AKAP19: variants seen among roughly 807,000 people sequenced by gnomAD.
The protein encoded by AKAP19 is small A-kinase anchoring protein.
At chr2:190,026,854 C>G in the AKAP19 span, among the ~76,000 whole-genome samples, 1 of 152,100 alleles carries the variant, frequency 6.6e-6, no homozygotes, top group African/African-American at 2.4e-5. Flanking sequence ...ATATTTGGAG[C>G]ATTTGGTATA....
At chr2:190,044,858 G>C in the AKAP19 span, among the ~76,000 whole-genome samples, 1 of 152,206 alleles carries the variant, frequency 6.6e-6, no homozygotes, top group Admixed American at 6.5e-5. Flanking sequence ...GTACAGGTCT[G>C]TTGCCGGCCC....
the AKAP19 span, among the ~76,000 whole-genome samples, chr2:190,172,680 TAGA>T: frequency 1.3e-5 from 2 of 152,236 alleles, no homozygotes; most frequent in African/African-American, 2.4e-5. Context: ...CACAGAATAA[TAGA>T]AGGAGCACTG....
the AKAP19 span, among the ~76,000 whole-genome samples, chr2:189,907,153 T>C: frequency 4.6e-5 from 7 of 152,214 alleles, no homozygotes. Flanking sequence ...TTTCTCTGTG[T>C]AGACCTTCCA....
the AKAP19 span, among the ~76,000 whole-genome samples, chr2:190,069,764 T>C: frequency 6.6e-6 from 1 of 152,230 alleles, no homozygotes; most frequent in Non-Finnish European, 1.5e-5. Context: ...TAAACCCTTA[T>C]TGTGCACCTG....
the AKAP19 span, among the ~76,000 whole-genome samples, chr2:190,032,226 T>C: frequency 1.3e-5 from 2 of 152,184 alleles, no homozygotes; most frequent in South Asian, 4.1e-4. Context: ...TCAGGAATTG[T>C]ACTAGAATTG....
At chr2:190,189,909 A>AG in the AKAP19 span, 3 of 152,234 alleles carry the variant, frequency 2.0e-5, no homozygotes, top group Non-Finnish European at 4.4e-5. Context: ...GGCTGGTTTC[A>AG]GGCCAATGTA....
the AKAP19 span, among the ~76,000 whole-genome samples, chr2:190,001,713 G>A: frequency 1.3e-5 from 2 of 152,150 alleles, no homozygotes; most frequent in Non-Finnish European, 2.9e-5. Context: ...TGTGTAAGCA[G>A]AGGAACACTT....
the AKAP19 span, among the ~76,000 whole-genome samples, chr2:190,124,645 G>A: frequency 7.2e-5 from 11 of 152,274 alleles, no homozygotes; most frequent in East Asian, 2.1e-3. Context: ...AACAGTTCGA[G>A]GCTGCAGTAA....
chr2:190,129,266 A>T, the AKAP19 span, among the ~76,000 whole-genome samples: 46 of 152,228 alleles, frequency 3.0e-4, no homozygotes, highest in Non-Finnish European at 7.3e-5. Flanking sequence ...GGTTGCAACC[A>T]TGAAAAGTTA....
At chr2:189,930,859 G>T in the AKAP19 span, 1 of 744,176 alleles carries the variant, frequency 1.3e-6, no homozygotes. Context: ...TTTGCTAGGT[G>T]TTGGATGGTA....
chr2:189,930,969 G>A, the AKAP19 span: 1 of 843,638 alleles, frequency 1.2e-6, no homozygotes, highest in Non-Finnish European at 2.0e-6. Flanking sequence ...CCTGAAGCAG[G>A]GAGATGTCAT....
At chr2:190,079,439 C>A in the AKAP19 span, 25,630 of 152,232 alleles carry the variant, frequency 0.17, 3,768 homozygotes, top group African/African-American at 0.4. Context: ...TTGTCACTGT[C>A]TCAAGCACTT....
At chr2:189,912,592 GTAATT>G in the AKAP19 span, among the ~76,000 whole-genome samples, 1 of 152,054 alleles carries the variant, frequency 6.6e-6, no homozygotes, top group Admixed American at 6.6e-5. Flanking sequence ...GTCACATATA[GTAATT>G]TATGAAGGCC....
At chr2:189,966,966 C>A in the AKAP19 span, among the ~76,000 whole-genome samples, 1 of 152,168 alleles carries the variant, frequency 6.6e-6, no homozygotes, top group African/African-American at 2.4e-5. Flanking sequence ...GGTAAGACAG[C>A]TAAGTATTCA....
At chr2:190,031,561 C>CGT in the AKAP19 span, among the ~76,000 whole-genome samples, 1 of 1,504 alleles carries the variant, frequency 6.6e-4, no homozygotes, top group Non-Finnish European at 4.6e-3. Context: ...TTATAATTAT[C>CGT]ATGACTTTAT....
At chr2:190,175,612 T>G in the AKAP19 span, among the ~76,000 whole-genome samples, 996 of 152,200 alleles carry the variant, frequency 6.5e-3, 3 homozygotes, top group Non-Finnish European at 0.011. Context: ...ACTAAAGAAT[T>G]TTTTTCTTCA....
At chr2:189,960,215 C>G in the AKAP19 span, among the ~76,000 whole-genome samples, 1 of 152,146 alleles carries the variant, frequency 6.6e-6, no homozygotes, top group Non-Finnish European at 1.5e-5. Context: ...TAAATCTTTC[C>G]TTGACTAAAC....
the AKAP19 span, among the ~76,000 whole-genome samples, chr2:189,975,021 T>G: frequency 6.6e-6 from 1 of 152,232 alleles, no homozygotes; most frequent in Non-Finnish European, 1.5e-5. Flanking sequence ...GATCCTGTCA[T>G]TATGATATTA....
chr2:189,980,697 T>A, the AKAP19 span, among the ~76,000 whole-genome samples: 1 of 152,180 alleles, frequency 6.6e-6, no homozygotes, highest in South Asian at 2.1e-4. Context: ...TGATTTTGTA[T>A]CCTGAAACTT....
Sources: gnomAD v4.1 joint callset for allele counts (sites outside exome capture counted in the v4.1 genomes callset) on GRCh38, gnomAD v4.1.1 for gene constraint, MANE v1.5 for transcripts, NCBI Gene and HGNC (gene_info 2026-07-23, HGNC 2026-07-21) for gene names.